TEX14: variants seen among roughly 807,000 people sequenced by gnomAD.
The protein encoded by TEX14 is testis expressed 14, intercellular bridge forming factor.
In TEX14, 168 loss-of-function variants were observed where a neutral mutation model predicts 178.6. That is an observed-to-expected ratio of 0.94 (90% confidence interval 0.83 to 1.07). The LOEUF (loss-of-function observed/expected upper bound fraction) is 1.07. Among genes scored for constraint, TEX14 ranks in the 50% least tolerant of loss-of-function variants. The probability of loss-of-function intolerance (pLI) is 0.00; values close to 1 mark genes in which losing one functional copy is unlikely to be tolerated. For synonymous variants in TEX14, 626 were observed against 634.1 expected, an observed-to-expected ratio of 0.99 and a Z score of 0.19; for missense variants, 1,730 against 1,753.6, an observed-to-expected ratio of 0.99 and a Z score of 0.24.
chr17:58,558,436 T>C (rs1354122711), intron 30 of TEX14, among the ~76,000 whole-genome samples: 1 of 152,174 alleles, frequency 6.6e-6, no homozygotes, highest in African/African-American at 2.4e-5. Context: ...CACAAGGTGC[T>C]GAAGTAAGCA....
intron 1 of TEX14, chr17:58,679,503 C>G (rs949034501): frequency 6.6e-6 from 1 of 152,144 alleles, no homozygotes; most frequent in Non-Finnish European, 1.5e-5. Flanking sequence ...ATACAACGTA[C>G]GCCTTTTATA....
At chr17:58,672,985 A>G (rs2047327869) in intron 1 of TEX14, among the ~76,000 whole-genome samples, 1 of 151,476 alleles carries the variant, frequency 6.6e-6, no homozygotes, top group African/African-American at 2.4e-5. Context: ...GCTAGCCTCG[A>G]ACTCCCAAAG....
intron 3 of TEX14, among the ~76,000 whole-genome samples, chr17:58,627,950 G>A (rs1275506205): frequency 1.5e-5 from 2 of 137,854 alleles, no homozygotes; most frequent in South Asian, 4.7e-4. Flanking sequence ...GTATAGACAG[G>A]GTCTCTGTTG....
At chr17:58,587,037 TCTTA>T (rs536194776) in intron 17 of TEX14, among the ~76,000 whole-genome samples, 17 of 152,336 alleles carry the variant, frequency 1.1e-4, no homozygotes, top group African/African-American at 3.1e-4. Context: ...TAATTACTTA[TCTTA>T]CTTGTTTTTA....
chr17:58,674,602 G>A (rs983201008), intron 1 of TEX14, among the ~76,000 whole-genome samples: 17 of 151,898 alleles, frequency 1.1e-4, no homozygotes, highest in African/African-American at 2.4e-4. Flanking sequence ...CCTGGGAGGC[G>A]GAGGTTGCAG....
At position 58,602,475 on chromosome 17, in the gene TEX14, T is replaced by C. The variant is rs142888406; in HGVS notation, c.1452A>G (p.Ser484=). 260 of 1,613,908 alleles carry C rather than the reference T, an allele frequency of 1.6e-4. No homozygotes were observed. Among genetic ancestry groups the C allele is most frequent in the Non-Finnish European group, 2.0e-4 (234 of 1,180,008 alleles). Residue 484 remains serine, a synonymous_variant, in exon 12 of 32, where the codon TCA becomes TCG. Coordinates refer to ENST00000349033, the MANE Select transcript of TEX14 (RefSeq NM_031272.5). Reference sequence around the variant, plus strand: ...GGTCTTTCTGCTTGACGTGGATGCCTGACTTAACAATATCATAGTAAGGTT... The same window carrying C: ...GGTCTTTCTGCTTGACGTGGATGCCCGACTTAACAATATCATAGTAAGGTT... The part of the protein sequence containing the change: ...LPKPYYDIVK[S]GIHVKQKDRT...
intron 17 of TEX14, among the ~76,000 whole-genome samples, chr17:58,586,544 C>T (rs991072059): frequency 6.6e-6 from 1 of 152,066 alleles, no homozygotes; most frequent in Admixed American, 6.5e-5. Flanking sequence ...ATGTCACTTA[C>T]GACTAGTATT....
chr17:58,673,250 G>T (rs2047333102), intron 1 of TEX14, among the ~76,000 whole-genome samples: 1 of 151,510 alleles, frequency 6.6e-6, no homozygotes, highest in Non-Finnish European at 1.5e-5. Flanking sequence ...GAAGGCCGAG[G>T]TGGGTGGATT....
intron 5 of TEX14, among the ~76,000 whole-genome samples, chr17:58,620,468 T>G (rs1461176925): frequency 2.0e-5 from 3 of 152,064 alleles, no homozygotes; most frequent in Non-Finnish European, 1.5e-5. Context: ...TAGCTGGAAC[T>G]ATGAGGAGCA....
chr17:58,586,827 T>C (rs576036584), intron 17 of TEX14, among the ~76,000 whole-genome samples: 2 of 152,186 alleles, frequency 1.3e-5, no homozygotes, highest in South Asian at 4.2e-4. Context: ...TTTTTCCAGG[T>C]AGTCCGGTTT....
intron 1 of TEX14, among the ~76,000 whole-genome samples, chr17:58,691,095 A>T (rs2047704645): frequency 6.6e-6 from 1 of 151,890 alleles, no homozygotes; most frequent in African/African-American, 2.4e-5. Context: ...GCTCAAAGAG[A>T]TCCACCTGCC....
intron 2 of TEX14, chr17:58,647,973 C>A (rs1375877982): frequency 1.3e-5 from 2 of 152,388 alleles, no homozygotes; most frequent in Admixed American, 6.6e-5. Context: ...GCTGGGATTA[C>A]ACGCGTGAGC....
chr17:58,627,769 C>CA (rs34691705), intron 3 of TEX14, among the ~76,000 whole-genome samples: 24,570 of 66,374 alleles, frequency 0.37, 3,838 homozygotes, highest in Middle Eastern at 0.54. Flanking sequence ...GACTCTATCT[C>CA]AAAAAAAAAA....
chr17:58,657,017 C>A (rs2046983960), intron 1 of TEX14, among the ~76,000 whole-genome samples: 1 of 151,730 alleles, frequency 6.6e-6, no homozygotes. Flanking sequence ...CTACATTGCC[C>A]AGGCTGGTCT....
rs1273695871 is a variant in TEX14 at position 58,651,855 on chromosome 17, A to G, written c.136+11T>C. ...ACCAAGGTGCATCTGCCATCTCAAC[A>G]TGGTGCTTACCTTTCTTAAGAATTT... On this transcript the variant is annotated intron_variant, in intron 2 of 31. Transcript: ENST00000349033. The G allele has an allele frequency of 6.3e-7, 1 of 1,598,636 alleles. No homozygotes were observed.
At position 58,559,500 on chromosome 17, in the gene TEX14, G is replaced by GT. The variant is rs969740146; in HGVS notation, c.4219dup (p.Thr1407AsnfsTer15). On this transcript the variant is annotated frameshift_variant, in exon 30 of 32. Coordinates refer to ENST00000349033, the MANE Select transcript of TEX14 (RefSeq NM_031272.5). LOFTEE classifies it high-confidence loss of function. ...ACCCTCTGATTTCCTTCTTTCTGGTGTAATGCTATCTTCCCTTTTTCTTTT... is the reference window on the plus strand; with the variant it reads ...ACCCTCTGATTTCCTTCTTTCTGGTGTTAATGCTATCTTCCCTTTTTCTTTT... 4 of 1,572,162 alleles carry GT rather than the reference G, an allele frequency of 2.5e-6. No individual in the cohort carries two copies. In the African/African-American group the frequency reaches 5.4e-5, roughly 21 times the overall value.
Position 58,569,158 on chromosome 17 carries a change from C to T in TEX14, c.3886+34G>A, listed in dbSNP as rs1177509216. On this transcript the variant is annotated intron_variant, in intron 26 of 31. Transcript: ENST00000349033. This position sits in a 1 kb window ranked among gnomAD's most constrained non-coding sequence, Gnocchi z 4.1. ...GTGGTCAGTGACATAACTAACAGGG[C>T]CGAGAAGTATATTCTGTATTGAACA... is the stretch of plus-strand genomic sequence containing the variant. 1.9e-6 allele frequency: 3 copies of T among 1,564,618 alleles called. No homozygotes were observed. Among genetic ancestry groups the T allele is most frequent in the Non-Finnish European group, 1.8e-6 (2 of 1,136,402 alleles).
At chr17:58,585,582 G>A (rs2044937095) in intron 18 of TEX14, among the ~76,000 whole-genome samples, 1 of 150,374 alleles carries the variant, frequency 6.7e-6, no homozygotes, top group African/African-American at 2.4e-5. Flanking sequence ...CCTGGAACTA[G>A]AGGCGTGTGC....
intron 1 of TEX14, among the ~76,000 whole-genome samples, chr17:58,670,181 T>C (rs1020542952): frequency 1.3e-5 from 2 of 152,214 alleles, no homozygotes; most frequent in African/African-American, 4.8e-5. Context: ...AGTCTTTATC[T>C]TCAGTCCATT....
Sources: allele counts gnomAD v4.1 joint callset (sites outside exome capture counted in the v4.1 genomes callset), GRCh38; gene constraint gnomAD v4.1.1; non-coding constraint Gnocchi (gnomAD v3.1); transcripts MANE v1.5; gene names NCBI Gene and HGNC (gene_info 2026-07-23, HGNC 2026-07-21).